The following CHD5 variants were observed in gnomAD, a reference collection of about 807,000 sequenced individuals.
CHD5 encodes the protein ATP-dependent chromatin remodeler CHD5.
Under a neutral mutation model 230.3 loss-of-function variants are expected in CHD5, and 69 were observed. The ratio of observed to expected loss-of-function variants is 0.30; its 90% CI spans 0.25 to 0.37. The LOEUF (loss-of-function observed/expected upper bound fraction) is 0.37. Ranked by LOEUF, CHD5 falls within the 10% of genes least tolerant of loss-of-function variation. CHD5 has a pLI of 1.00. For synonymous variants in CHD5, 1,064 were observed against 1,065.9 expected (o/e 1.00, Z 0.03); for missense variants, 1,827 against 2,622.8 (o/e 0.70, Z 6.63).
Position 6,136,908 on chromosome 1 carries a change from G to C in CHD5, c.2437-43C>G, listed in dbSNP as rs776969925. ...ATTGGGGATGAGACGGCTGGGAGCA[G>C]AGCGGATCACAGTCCCAGGAGACAA... On this transcript the variant is annotated intron_variant, in intron 15 of 41. Transcript: ENST00000262450. 7 of 1,562,406 alleles carry C rather than the reference G, an allele frequency of 4.5e-6. No individual in the cohort carries two copies. In the East Asian group the frequency reaches 1.4e-4, roughly 30 times the overall value.
intron 11 of CHD5, among the ~76,000 whole-genome samples, 188 bp from the exon 12 acceptor site, chr1:6,144,343 G>A (rs74901748): frequency 0.015 from 2,271 of 152,266 alleles, 54 homozygotes; most frequent in African/African-American, 0.052. Context: ...GCCACACAGC[G>A]AATGAGAGGG....
intron 1 of CHD5, among the ~76,000 whole-genome samples, chr1:6,171,715 TG>T (rs1388245680): frequency 1.3e-5 from 2 of 152,172 alleles, no homozygotes; most frequent in Non-Finnish European, 2.9e-5. Context: ...CTCCATCTGG[TG>T]GGGACAGAGC....
chr1:6,107,199 G>C (rs1666194381), intron 38 of CHD5, among the ~76,000 whole-genome samples: 1 of 142,638 alleles, frequency 7.0e-6, no homozygotes, highest in African/African-American at 2.6e-5. Context: ...AAGATGGAGG[G>C]ATGGAGGGAT....
chr1:6,166,138 A>G (rs79483207), intron 2 of CHD5, among the ~76,000 whole-genome samples: 2,106 of 151,548 alleles, frequency 0.014, 43 homozygotes, highest in African/African-American at 0.048. Context: ...GAGGGACAAC[A>G]GAGAAGGCAA....
In CHD5 at chr1:6,180,081, G is replaced by T; in HGVS notation, c.-58C>A. On this transcript the variant is annotated 5_prime_UTR_variant, in exon 1 of 42. In the 5' UTR this introduces an upstream ATG that the reference lacks. Coordinates refer to ENST00000262450, the MANE Select transcript of CHD5 (RefSeq NM_015557.3). ...CCCCCTCCCGCCGGGCGCGGTGCCAGCCTTAACCCGTGCGCTGCCGGACCG... is the reference window on the plus strand; with the variant it reads ...CCCCCTCCCGCCGGGCGCGGTGCCATCCTTAACCCGTGCGCTGCCGGACCG... The T allele has an allele frequency of 1.1e-6, 1 of 938,598 alleles. No individual in the cohort carries two copies. Among genetic ancestry groups the T allele is most frequent in the Non-Finnish European group, 1.3e-6 (1 of 749,188 alleles). The allele number at this position is 938,598 out of a possible 1,614,324, so 58.1% of individuals were successfully genotyped here. A position where few individuals can be genotyped will look rare whatever the true frequency, so the allele number is the denominator to read the frequency against.
intron 1 of CHD5, among the ~76,000 whole-genome samples, chr1:6,175,241 A>G (rs1344986570): frequency 7.5e-6 from 1 of 133,072 alleles, no homozygotes; most frequent in East Asian, 2.6e-4. Context: ...TGGATTGTGG[A>G]TTGATGGATG....
In CHD5 at chr1:6,127,945, G is replaced by C. The variant is rs1666588347; in HGVS notation, c.3903+101C>G. On this transcript the variant is annotated intron_variant, in intron 25 of 41. Coordinates refer to ENST00000262450, the MANE Select transcript of CHD5 (RefSeq NM_015557.3). ...GGTCACAGCTTGGAGGGCTGGCTGC[G>C]GCGGGAGGGCGGGGTCACAGTGGAA... 3 of 1,062,564 alleles carry C rather than the reference G, an allele frequency of 2.8e-6. No homozygotes were observed. The African/African-American group carries it at 4.8e-5, about 17-fold the overall frequency. The allele number at this position is 1,062,564 out of a possible 1,614,324, so 65.8% of individuals were successfully genotyped here. A position where few individuals can be genotyped will look rare whatever the true frequency, so the allele number is the denominator to read the frequency against.
At position 6,155,681 on chromosome 1, in the gene CHD5, C is replaced by T. The variant is rs1049080646; in HGVS notation, c.424G>A (p.Gly142Ser). 11 of 1,613,990 alleles carry T rather than the reference C, an allele frequency of 6.8e-6. No individual in the cohort carries two copies. Among genetic ancestry groups the T allele is most frequent in the African/African-American group, 4.0e-5 (3 of 74,896 alleles). ...AACAGGTAGTCCACGTCGTCCAGGC[C>T]CCACTCGGCCATGAGCTGCCCCGAG... is the stretch of plus-strand genomic sequence containing the variant. ...KSSGQLMAEW[G>S]LDDVDYLFSE... Residue 142 changes from glycine (G) to serine (S), a missense_variant, in exon 4 of 42, where the codon GGC becomes AGC. Coordinates refer to ENST00000262450, the MANE Select transcript of CHD5 (RefSeq NM_015557.3). The surrounding 1 kb of genome is among the most constrained non-coding windows in gnomAD (Gnocchi z 4.0).
intron 30 of CHD5, 115 bp downstream of exon 30, chr1:6,124,402 G>T: frequency 1.6e-6 from 2 of 1,229,746 alleles, no homozygotes; most frequent in East Asian, 2.4e-5. Flanking sequence ...CTCGGACCCT[G>T]GGCAGCTGTG....
rs1454007161 is a variant in CHD5, at chr1:6,131,368, C to G, written c.3262+263G>C. On this transcript the variant is annotated intron_variant, in intron 21 of 41. Transcript: ENST00000262450. This position sits in a 1 kb window ranked among gnomAD's most constrained non-coding sequence, Gnocchi z 5.0. ...CAACACCACTTGTAACTGGGGCTCACCTGGCGTCAATATTAGAGGCCCCGT... is the reference window on the plus strand; with the variant it reads ...CAACACCACTTGTAACTGGGGCTCAGCTGGCGTCAATATTAGAGGCCCCGT... Among the ~76,000 whole-genome samples, 4 of 152,226 alleles carry G rather than the reference C, an allele frequency of 2.6e-5. No individual in the cohort carries two copies. The highest frequency in any genetic ancestry group is 6.5e-5 in the Admixed American group (1 of 15,280).
chr1:6,140,167 C>G (rs1666805707), intron 15 of CHD5, among the ~76,000 whole-genome samples: 1 of 152,100 alleles, frequency 6.6e-6, no homozygotes, highest in South Asian at 2.1e-4. Flanking sequence ...CCTTAAGAGG[C>G]CGAGGTGGGC....
chr1:6,148,647 G>A (rs558692475), intron 9 of CHD5, among the ~76,000 whole-genome samples: 2 of 152,336 alleles, frequency 1.3e-5, no homozygotes, highest in Admixed American at 6.5e-5. Context: ...CCGTCTCTAG[G>A]GGAGTCAGAC....
At chr1:6,147,104 T>C (rs750707898) in intron 9 of CHD5, among the ~76,000 whole-genome samples, 4 of 152,144 alleles carry the variant, frequency 2.6e-5, no homozygotes, top group East Asian at 1.9e-4. Context: ...TTTCACTCAA[T>C]GGTGAACTTA....
At chr1:6,147,411 C>T (rs1666928610) in intron 9 of CHD5, among the ~76,000 whole-genome samples, 1 of 152,206 alleles carries the variant, frequency 6.6e-6, no homozygotes, top group Non-Finnish European at 1.5e-5. Flanking sequence ...TAGGCTGGGA[C>T]AATGAGGCCC....
chr1:6,139,016 T>C (rs889514741), intron 15 of CHD5, among the ~76,000 whole-genome samples: 4 of 152,168 alleles, frequency 2.6e-5, no homozygotes, highest in African/African-American at 7.2e-5. Flanking sequence ...GACAAAAAGA[T>C]AGATGTTTCC....
At position 6,102,983 on chromosome 1, in the gene CHD5, C is replaced by T. The variant is rs529792074; in HGVS notation, c.*2491G>A. 8 of 152,424 alleles carry T rather than the reference C, an allele frequency of 5.2e-5. No individual in the cohort carries two copies. The highest frequency in any genetic ancestry group is 6.5e-5 in the Admixed American group (1 of 15,278). The allele number at this position is 152,424 out of a possible 1,614,324, so 9.4% of individuals were successfully genotyped here. ...CTTAAAGTGGCTGGAAATTTCCAAT[C>T]GCAGACTGGCACTTTGGGCTCGCGT... On this transcript the variant is annotated 3_prime_UTR_variant, in exon 42 of 42. Transcript: ENST00000262450.
Position 6,155,635 on chromosome 1 carries a change from G to T in CHD5, c.470C>A (p.Thr157Lys). The T allele has an allele frequency of 1.9e-6, 3 of 1,614,146 alleles. No individual in the cohort carries two copies. Among genetic ancestry groups the T allele is most frequent in the African/African-American group, 1.3e-5 (1 of 75,046 alleles). The change falls in exon 4 of 42, where the codon ACG becomes AAG. Residue 157 changes from threonine (T) to lysine (K), a missense_variant. Physicochemically the swap from Thr to Lys is moderately conservative, Grantham distance 78 (BLOSUM62 -1). Coordinates refer to ENST00000262450, the MANE Select transcript of CHD5 (RefSeq NM_015557.3). The surrounding 1 kb of genome is among the most constrained non-coding windows in gnomAD (Gnocchi z 4.0). ...DYLFSEEDYH[T>K]LTNYKAFSQF... ...GCTGAAGGCCTTGTAGTTGGTCAGC[G>T]TGTGGTAATCCTCCTCCGAGAACAG...
rs1666629217 is a variant in CHD5 at position 6,130,032 on chromosome 1, C to T, written c.3387+172G>A. On this transcript the variant is annotated intron_variant, in intron 22 of 41. Transcript: ENST00000262450. The surrounding 1 kb of genome is among the most constrained non-coding windows in gnomAD (Gnocchi z 4.9). ...CAGAGCTGGAGGGATGGGGGCCAAG[C>T]TTCCACTCACTCCCAGAGCCCCTCT... 1.4e-6 allele frequency: 1 copy of T among 722,802 alleles called. No individual in the cohort carries two copies. The highest frequency in any genetic ancestry group is 2.3e-6 in the Non-Finnish European group (1 of 429,560). The allele number at this position is 722,802 out of a possible 1,614,324, so 44.8% of individuals were successfully genotyped here.
In CHD5 at chr1:6,130,259, G is replaced by A; in HGVS notation, c.3332C>T (p.Thr1111Met). The A allele has an allele frequency of 6.2e-7, 1 of 1,614,086 alleles. No homozygotes were observed. Among genetic ancestry groups the A allele is most frequent in the Non-Finnish European group, 8.5e-7 (1 of 1,179,962 alleles). Residue 1111 changes from threonine to methionine, a missense_variant, in exon 22 of 42, where the codon ACG becomes ATG. Transcript: ENST00000262450. The surrounding 1 kb of genome is among the most constrained non-coding windows in gnomAD (Gnocchi z 4.9). Reference sequence around the variant, plus strand: ...GTCGTAGATGATGACAGTGTCCGCCGTGGCCAGGTTGATGCCCAGACCACC... The same window carrying A: ...GTCGTAGATGATGACAGTGTCCGCCATGGCCAGGTTGATGCCCAGACCACC... Reference protein sequence around the residue: ...RAGGLGINLATADTVIIYDSD... With the variant: ...RAGGLGINLAMADTVIIYDSD...
Sources: allele counts gnomAD v4.1 joint callset (sites outside exome capture counted in the v4.1 genomes callset), GRCh38; gene constraint gnomAD v4.1.1; non-coding constraint Gnocchi (gnomAD v3.1); transcripts MANE v1.5; gene names NCBI Gene and HGNC (gene_info 2026-07-23, HGNC 2026-07-21).